The following ZNF292 variants were observed in gnomAD, a reference collection of about 807,000 sequenced individuals.
ZNF292 encodes 16 zinc-finger domain protein.
In ZNF292, 26 loss-of-function variants were observed where a neutral mutation model predicts 217.9. That is an observed-to-expected ratio of 0.12 (90% CI 0.09 to 0.17). ZNF292 has a LOEUF of 0.17. ZNF292 is among the 10% of genes least tolerant of loss of function. ZNF292 has a pLI of 1.00. For synonymous variants in ZNF292, 1,257 were observed against 1,124.1 expected (o/e 1.12, Z -2.37); for missense variants, 2,904 against 3,175.2 (o/e 0.91, Z 2.05).
chr6:87,175,423 A>G (rs1582382026), intron 1 of ZNF292, among the ~76,000 whole-genome samples: 1 of 151,902 alleles, frequency 6.6e-6, no homozygotes, highest in East Asian at 1.9e-4. Context: ...GCAGCCTTGA[A>G]CTCCTGGGCT....
chr6:87,219,383 G>T (rs1199874781), intron 4 of ZNF292, among the ~76,000 whole-genome samples: 2 of 152,256 alleles, frequency 1.3e-5, no homozygotes, highest in East Asian at 3.9e-4. Flanking sequence ...TTTAACTAAA[G>T]AAGTAAATTT....
intron 4 of ZNF292, among the ~76,000 whole-genome samples, chr6:87,230,836 A>G (rs1773616151): frequency 6.6e-6 from 1 of 152,094 alleles, no homozygotes. Context: ...AAGTAGTGTT[A>G]TCTATGTCAC....
intron 5 of ZNF292, among the ~76,000 whole-genome samples, chr6:87,236,461 G>A (rs1284563073): frequency 6.6e-6 from 1 of 152,016 alleles, no homozygotes; most frequent in Admixed American, 6.6e-5. Flanking sequence ...ATGGGGCTGG[G>A]AGAGATTAAG....
intron 1 of ZNF292, among the ~76,000 whole-genome samples, chr6:87,191,484 T>C (rs1771820534): frequency 6.6e-6 from 1 of 152,176 alleles, no homozygotes; most frequent in Admixed American, 6.5e-5. Flanking sequence ...TGTCTTTACA[T>C]GTATGTGGCA....
chr6:87,162,501 C>T (rs1770781881), intron 1 of ZNF292, among the ~76,000 whole-genome samples: 1 of 152,078 alleles, frequency 6.6e-6, no homozygotes, highest in African/African-American at 2.4e-5. Flanking sequence ...GTGATAATTA[C>T]TTTAGGTATT....
chr6:87,190,186 T>C (rs752337591), intron 1 of ZNF292, among the ~76,000 whole-genome samples: 1 of 152,250 alleles, frequency 6.6e-6, no homozygotes, highest in Non-Finnish European at 1.5e-5. Context: ...AAGTTTCATA[T>C]ACAGACAACC....
At chr6:87,224,660 T>G (rs950540090) in intron 4 of ZNF292, among the ~76,000 whole-genome samples, 13 of 152,226 alleles carry the variant, frequency 8.5e-5, no homozygotes, top group African/African-American at 2.9e-4. Context: ...AGCTATTAGC[T>G]CATTCCTTTT....
chr6:87,172,061 T>A (rs926977856), intron 1 of ZNF292, among the ~76,000 whole-genome samples: 8 of 152,252 alleles, frequency 5.3e-5, no homozygotes, highest in African/African-American at 1.9e-4. Context: ...CAATCTCTTT[T>A]TCTTCATAGC....
In ZNF292 at chr6:87,256,384, A is replaced by T; in HGVS notation, c.2755A>T (p.Asn919Tyr). 6.2e-7 allele frequency: 1 copy of T among 1,609,014 alleles called. No individual in the cohort carries two copies. Among genetic ancestry groups the T allele is most frequent in the Non-Finnish European group, 8.5e-7 (1 of 1,179,814 alleles). Residue 919 changes from asparagine (N) to tyrosine (Y), a missense_variant, in exon 8 of 8, where the codon AAT becomes TAT. Physicochemically the swap from Asn to Tyr is moderately radical, Grantham distance 143 (BLOSUM62 -2). Around this residue, in one of 15 missense-constraint regions of ZNF292, gnomAD observed 687 missense variants for 623.0 expected, o/e 1.10. Transcript: ENST00000369577. ...ELRQANGPLS[N>Y]GLENPATTPL... Reference sequence around the variant, plus strand: ...CAGGCAAGCTAATGGACCATTGTCAAATGGTTTGGAAAACCCTGCTACTAC... The same window carrying T: ...CAGGCAAGCTAATGGACCATTGTCATATGGTTTGGAAAACCCTGCTACTAC...
At chr6:87,247,364 A>G (rs1368142205) in intron 7 of ZNF292, among the ~76,000 whole-genome samples, 1 of 152,074 alleles carries the variant, frequency 6.6e-6, no homozygotes, top group Non-Finnish European at 1.5e-5. Context: ...TTTATTGAAA[A>G]GGTAGACTAG....
intron 1 of ZNF292, among the ~76,000 whole-genome samples, chr6:87,201,473 C>G (rs982372897): frequency 6.6e-6 from 1 of 152,134 alleles, no homozygotes; most frequent in Admixed American, 6.5e-5. Flanking sequence ...GGCATGATCT[C>G]GGCTCACCGC....
intron 1 of ZNF292, among the ~76,000 whole-genome samples, chr6:87,202,179 A>G (rs1772118388): frequency 6.6e-6 from 1 of 152,162 alleles, no homozygotes. Context: ...GTCTTCCACT[A>G]TCTATGTATG....
At chr6:87,181,892 C>T (rs919170451) in intron 1 of ZNF292, among the ~76,000 whole-genome samples, 3 of 152,006 alleles carry the variant, frequency 2.0e-5, no homozygotes, top group African/African-American at 7.3e-5. Context: ...CCATGTTGGC[C>T]CGGCTGGTCT....
chr6:87,210,248 A>G (rs1382847234), intron 1 of ZNF292, among the ~76,000 whole-genome samples: 2 of 152,218 alleles, frequency 1.3e-5, no homozygotes, highest in Non-Finnish European at 2.9e-5. Context: ...ATTGGCTCTT[A>G]AAGAAAAAAA....
At chr6:87,236,190 C>T (rs549046543) in intron 5 of ZNF292, among the ~76,000 whole-genome samples, 2 of 152,122 alleles carry the variant, frequency 1.3e-5, no homozygotes, top group African/African-American at 4.8e-5. Flanking sequence ...CTGTTTCTTA[C>T]AAGTATTTGA....
intron 1 of ZNF292, among the ~76,000 whole-genome samples, chr6:87,169,260 C>G (rs972461030): frequency 6.6e-6 from 1 of 151,912 alleles, no homozygotes; most frequent in Non-Finnish European, 1.5e-5. Context: ...AGGCTAGTCT[C>G]GAACTCCTGA....
intron 1 of ZNF292, among the ~76,000 whole-genome samples, chr6:87,199,686 C>A (rs955224867): frequency 6.6e-6 from 1 of 152,154 alleles, no homozygotes; most frequent in Non-Finnish European, 1.5e-5. Flanking sequence ...CCATTTCCTG[C>A]GCTGAGAATG....
intron 4 of ZNF292, chr6:87,222,715 C>G (rs1193060341): frequency 2.3e-6 from 1 of 426,368 alleles, no homozygotes; most frequent in African/African-American, 2.0e-5. Context: ...ATTAATTAAT[C>G]CATAATTTAT....
intron 4 of ZNF292, among the ~76,000 whole-genome samples, chr6:87,220,377 G>C (rs1158180746): frequency 6.6e-6 from 1 of 152,104 alleles, no homozygotes; most frequent in Non-Finnish European, 1.5e-5. Flanking sequence ...CTTTGAAAAA[G>C]ATAGGATCCT....
Sources: allele counts gnomAD v4.1 joint callset (sites outside exome capture counted in the v4.1 genomes callset), GRCh38; gene constraint gnomAD v4.1.1; regional missense constraint gnomAD v4.1.1; transcripts MANE v1.5; gene names NCBI Gene and HGNC (gene_info 2026-07-23, HGNC 2026-07-21).